PTPRK: variants seen among roughly 807,000 people sequenced by gnomAD.
PTPRK encodes the protein protein tyrosine phosphatase receptor type K.
PTPRK carries 75 observed loss-of-function variants against 178.0 expected under a neutral mutation model. The observed-to-expected ratio is 0.42, with a 90% CI of 0.35 to 0.51. PTPRK has a LOEUF of 0.51. Among genes scored for constraint, PTPRK ranks in the 20% least tolerant of loss-of-function variants. The pLI is 0.02. For missense variants in PTPRK, 1,441 were observed against 1,797.8 expected, an observed-to-expected ratio of 0.80 and a Z score of 3.59; for synonymous variants, 637 against 620.6, an observed-to-expected ratio of 1.03 and a Z score of -0.39.
chr6:128,233,359 T>C (rs140243317), intron 5 of PTPRK, among the ~76,000 whole-genome samples: 65 of 152,310 alleles, frequency 4.3e-4, no homozygotes, highest in African/African-American at 1.5e-3. Context: ...GATGTTTGCA[T>C]GGAGTACAGG....
At chr6:128,340,926 C>T (rs950904907) in intron 2 of PTPRK, 2 of 240,136 alleles carry the variant, frequency 8.3e-6, no homozygotes, top group African/African-American at 4.7e-5. Flanking sequence ...ATAGTACATT[C>T]CAAAATAACA....
intron 1 of PTPRK, among the ~76,000 whole-genome samples, chr6:128,490,764 C>T (rs1203533697): frequency 6.6e-6 from 1 of 152,154 alleles, no homozygotes; most frequent in East Asian, 1.9e-4. Flanking sequence ...AATTAATTTT[C>T]TCATAGTTCC....
At chr6:127,999,791 C>T (rs1305484660) in intron 15 of PTPRK, among the ~76,000 whole-genome samples, 1 of 152,068 alleles carries the variant, frequency 6.6e-6, no homozygotes, top group East Asian at 1.9e-4. Context: ...GAATATTTTT[C>T]TTTCTATTCC....
intron 1 of PTPRK, among the ~76,000 whole-genome samples, chr6:128,456,145 C>A (rs923072391): frequency 1.3e-4 from 20 of 152,052 alleles, no homozygotes; most frequent in Non-Finnish European, 2.2e-4. Flanking sequence ...AATGGGGTGA[C>A]ATCATCGATA....
At chr6:128,264,690 C>T (rs758873895) in intron 3 of PTPRK, among the ~76,000 whole-genome samples, 1 of 151,948 alleles carries the variant, frequency 6.6e-6, no homozygotes. Flanking sequence ...TCATTTGATC[C>T]CCATAAAACA....
chr6:128,018,688 C>T lies in PTPRK; in HGVS notation c.2195-9420G>A, dbSNP rs78514999. Among the ~76,000 whole-genome samples the T allele has an allele frequency of 5.5e-3, 837 of 152,072 alleles. 6 individuals carry two copies. The highest frequency in any genetic ancestry group is 0.018 in the African/African-American group (765 of 41,514). On this transcript the variant is annotated intron_variant, in intron 13 of 29. Transcript: ENST00000368226. ...AAAGTGCTAAGGACAATATCTGGTA[C>T]TTCATAAAGCCTCAGTAAGTATTAG...
chr6:128,058,897 G>T (rs1780354593), intron 13 of PTPRK, among the ~76,000 whole-genome samples: 1 of 151,652 alleles, frequency 6.6e-6, no homozygotes, highest in African/African-American at 2.4e-5. Flanking sequence ...CTTCCATATA[G>T]ATATGGAAAA....
chr6:128,411,156 G>T (rs912428527), intron 1 of PTPRK, among the ~76,000 whole-genome samples: 16 of 152,120 alleles, frequency 1.1e-4, no homozygotes, highest in African/African-American at 3.4e-4. Context: ...GCCTCTCAAA[G>T]TACTGGGATT....
At position 128,312,086 on chromosome 6, in the gene PTPRK, A is replaced by G. The variant is rs566350567; in HGVS notation, c.495+9953T>C. ...TCACATAAAGAGTATGATCTAATTA[A>G]TGCTAGTAGACTGAGGTGAAGAAAC... On this transcript the variant is annotated intron_variant, in intron 3 of 29. Transcript: ENST00000368226. Among the ~76,000 whole-genome samples, 9 of 152,320 alleles carry G rather than the reference A, an allele frequency of 5.9e-5. No homozygotes were observed. The South Asian group carries it at 1.7e-3, about 28-fold the overall frequency.
At chr6:128,203,691 A>T (rs1806381417) in intron 6 of PTPRK, among the ~76,000 whole-genome samples, 1 of 152,202 alleles carries the variant, frequency 6.6e-6, no homozygotes, top group South Asian at 2.1e-4. Context: ...CAAAGAGAAT[A>T]AAATGCCTAG....
At chr6:127,976,870 A>G in intron 26 of PTPRK, 53 bp downstream of exon 26, 1 of 1,611,146 alleles carries the variant, frequency 6.2e-7, no homozygotes, top group Non-Finnish European at 8.5e-7. Context: ...GCAATTCATT[A>G]CTACTCTATT....
At chr6:128,336,691 C>T (rs1830978489) in intron 2 of PTPRK, among the ~76,000 whole-genome samples, 1 of 152,172 alleles carries the variant, frequency 6.6e-6, no homozygotes, top group African/African-American at 2.4e-5. Flanking sequence ...CTTCTTCTAA[C>T]TAAAATACCA....
chr6:128,029,032 G>C (rs1185080284), intron 13 of PTPRK, among the ~76,000 whole-genome samples: 1 of 152,086 alleles, frequency 6.6e-6, no homozygotes, highest in African/African-American at 2.4e-5. Context: ...TACAGTTTGG[G>C]TGTTTGTGCC....
chr6:128,158,642 A>C (rs1798274957), intron 7 of PTPRK, among the ~76,000 whole-genome samples: 1 of 151,916 alleles, frequency 6.6e-6, no homozygotes. Flanking sequence ...AGGTTTACAT[A>C]AACTTCTGGT....
intron 1 of PTPRK, among the ~76,000 whole-genome samples, chr6:128,484,374 T>C (rs751348350): frequency 6.6e-6 from 1 of 152,158 alleles, no homozygotes; most frequent in Non-Finnish European, 1.5e-5. Context: ...TTATAACTAT[T>C]TTGAAAACAT....
intron 13 of PTPRK, among the ~76,000 whole-genome samples, chr6:128,035,087 A>C (rs1196448325): frequency 6.6e-6 from 1 of 152,160 alleles, no homozygotes; most frequent in Non-Finnish European, 1.5e-5. Flanking sequence ...AAACAATTAC[A>C]TTGGCTGGGC....
intron 3 of PTPRK, among the ~76,000 whole-genome samples, chr6:128,320,430 T>C (rs1828628838): frequency 6.6e-6 from 1 of 152,196 alleles, no homozygotes; most frequent in South Asian, 2.1e-4. Context: ...CAGTTACTTC[T>C]ATGTTGTTAT....
rs1418390293 is a variant in PTPRK at position 128,519,734 on chromosome 6, G to A, written c.100+525C>T. Among the ~76,000 whole-genome samples the A allele has an allele frequency of 1.3e-5, 2 of 152,226 alleles. No homozygotes were observed. The highest frequency in any genetic ancestry group is 2.4e-5 in the African/African-American group (1 of 41,476). ...AACCCAGAGCTGGGGGAGGAGAAAAGGGGACTCCGGGAGGGACGGGGAAGT... is the reference window on the plus strand; with the variant it reads ...AACCCAGAGCTGGGGGAGGAGAAAAAGGGACTCCGGGAGGGACGGGGAAGT... On this transcript the variant is annotated intron_variant, in intron 1 of 29. Coordinates refer to ENST00000368226, the MANE Select transcript of PTPRK (RefSeq NM_002844.4). This position sits in a 1 kb window ranked among gnomAD's most constrained non-coding sequence, Gnocchi z 4.3.
intron 15 of PTPRK, chr6:128,001,193 T>TA: frequency 6.5e-7 from 1 of 1,531,380 alleles, no homozygotes. Flanking sequence ...GCAATACACT[T>TA]ACCTGTTATA....
Sources: allele counts gnomAD v4.1 joint callset (sites outside exome capture counted in the v4.1 genomes callset), GRCh38; gene constraint gnomAD v4.1.1; non-coding constraint Gnocchi (gnomAD v3.1); transcripts MANE v1.5; gene names NCBI Gene and HGNC (gene_info 2026-07-23, HGNC 2026-07-21).